Variants in NANOS1 observed in about 807,000 individuals in gnomAD.
The protein encoded by NANOS1 is nanos homolog 1.
Under a neutral mutation model 1.1 loss-of-function variants are expected in NANOS1, and 1 was observed. The observed-to-expected ratio is 0.88, with a 90% CI of 0.31 to 4.20. The LOEUF (loss-of-function observed/expected upper bound fraction) is 4.20. NANOS1 is among the 30% of genes most tolerant of loss of function. The pLI, the probability that NANOS1 is intolerant of heterozygous loss-of-function variation, is 0.17. For missense variants in NANOS1, 537 were observed against 457.9 expected (o/e 1.17, Z -1.58); for synonymous variants, 252 against 230.6 (o/e 1.09, Z -0.84).
chr10:119,029,862 G>T lies in NANOS1; in HGVS notation c.61G>T (p.Ala21Ser). Reference protein sequence around the residue: ...PRRGRAPPPMALVPSARYVSA... With the variant: ...PRRGRAPPPMSLVPSARYVSA... ...CCGCGGCCGCGCCCCCCCGCCCATG[G>T]CGCTCGTGCCCAGCGCCCGCTACGT... Residue 21 changes from alanine (A) to serine (S), a missense_variant, in exon 1 of 1, where the codon GCG becomes TCG. Ala to Ser is a moderately conservative substitution (Grantham distance 99, BLOSUM62 1). Coordinates refer to ENST00000425699, the MANE Select transcript of NANOS1 (RefSeq NM_199461.4). The T allele has an allele frequency of 8.0e-7, 1 of 1,248,506 alleles. No individual in the cohort carries two copies. 77.3% of individuals were successfully genotyped at this position (1,248,506 alleles called of 1,614,324 possible). A position where few individuals can be genotyped will look rare whatever the true frequency, so the allele number is the denominator to read the frequency against.
chr10:119,032,145 C>G lies in NANOS1; in HGVS notation c.*1465C>G. ...GAGTTTAGTCTACGTGTATAAGGCT[C>G]CCAGTAGGATTTAGCTAGGCTACTA... is the stretch of plus-strand genomic sequence containing the variant. On this transcript the variant is annotated 3_prime_UTR_variant, in exon 1 of 1. Coordinates refer to ENST00000425699, the MANE Select transcript of NANOS1 (RefSeq NM_199461.4). 1 of 167,214 alleles carries G rather than the reference C, an allele frequency of 6.0e-6. No homozygotes were observed. 10.4% of individuals were successfully genotyped at this position (167,214 alleles called of 1,614,324 possible).
In NANOS1 at chr10:119,030,153, T is replaced by C; in HGVS notation, c.352T>C (p.Ser118Pro). 2 of 1,356,744 alleles carry C rather than the reference T, an allele frequency of 1.5e-6. No homozygotes were observed. The highest frequency in any genetic ancestry group is 1.8e-5 in the South Asian group (1 of 55,408). The allele number at this position is 1,356,744 out of a possible 1,614,324, so 84.0% of individuals were successfully genotyped here. A position where few individuals can be genotyped will look rare whatever the true frequency, so the allele number is the denominator to read the frequency against. ...CGACGACGACAGCGACGAGCCGGGG[T>C]CCCGGGGCCGCTACCTGGGGAGCGC... ...DDDDDSDEPGSRGRYLGSALE... is the reference protein window; with the variant it reads ...DDDDDSDEPGPRGRYLGSALE... The change falls in exon 1 of 1, where the codon TCC becomes CCC. Residue 118 changes from serine to proline, a missense_variant. Transcript: ENST00000425699. This position sits in a 1 kb window ranked among gnomAD's most constrained non-coding sequence, Gnocchi z 5.3.
In NANOS1 at chr10:119,029,997, G is replaced by A. The variant is rs1848016602; in HGVS notation, c.196G>A (p.Ala66Thr). ...GGACGGCGAGCCGCGCTTCGGCTGC[G>A]CCCGCGGTGGGAACGGCGGCGGCGG... is the stretch of plus-strand genomic sequence containing the variant. The part of the protein sequence containing the change: ...AVDGEPRFGC[A>T]RGGNGGGGSP... The change falls in exon 1 of 1, where the codon GCC becomes ACC. Residue 66 changes from alanine (A) to threonine (T), a missense_variant. Physicochemically the swap from Ala to Thr is moderately conservative, Grantham distance 58 (BLOSUM62 0). Transcript: ENST00000425699. 1 of 1,413,984 alleles carries A rather than the reference G, an allele frequency of 7.1e-7. No individual in the cohort carries two copies. The allele number at this position is 1,413,984 out of a possible 1,614,324, so 87.6% of individuals were successfully genotyped here. A position where few individuals can be genotyped will look rare whatever the true frequency, so the allele number is the denominator to read the frequency against.
In NANOS1 at chr10:119,030,704, G is replaced by C; in HGVS notation, c.*24G>C. 7.8e-7 allele frequency: 1 copy of C among 1,277,410 alleles called. No individual in the cohort carries two copies. The highest frequency in any genetic ancestry group is 9.9e-7 in the Non-Finnish European group (1 of 1,012,860). The allele number at this position is 1,277,410 out of a possible 1,614,324, so 79.1% of individuals were successfully genotyped here. The stretch of plus-strand genomic sequence containing the variant: ...GAAGGCCCGGGCTCCCGGCCGCCCA[G>C]GGTCGCCGCCGCCCCTCGCACCGCT... On this transcript the variant is annotated 3_prime_UTR_variant, in exon 1 of 1. Transcript: ENST00000425699. This position sits in a 1 kb window ranked among gnomAD's most constrained non-coding sequence, Gnocchi z 5.3.
rs1848070540 is a variant in NANOS1, at chr10:119,032,796, A to T, written c.*2116A>T. The T allele has an allele frequency of 6.0e-6, 1 of 167,108 alleles. No individual in the cohort carries two copies. Among genetic ancestry groups the T allele is most frequent in the African/African-American group, 2.4e-5 (1 of 41,452 alleles). 10.4% of individuals were successfully genotyped at this position (167,108 alleles called of 1,614,324 possible). ...GATATTCTGACATTGCTATTTTACC[A>T]GAACTAAGAACATATTGAGCTGGAG... is the stretch of plus-strand genomic sequence containing the variant. On this transcript the variant is annotated 3_prime_UTR_variant, in exon 1 of 1. Coordinates refer to ENST00000425699, the MANE Select transcript of NANOS1 (RefSeq NM_199461.4).
chr10:119,031,134 C>T lies in NANOS1; in HGVS notation c.*454C>T, dbSNP rs896545058. 1 of 171,566 alleles carries T rather than the reference C, an allele frequency of 5.8e-6. No homozygotes were observed. Among genetic ancestry groups the T allele is most frequent in the East Asian group, 1.9e-4 (1 of 5,390 alleles). 10.6% of individuals were successfully genotyped at this position (171,566 alleles called of 1,614,324 possible). A position where few individuals can be genotyped will look rare whatever the true frequency, so the allele number is the denominator to read the frequency against. On this transcript the variant is annotated 3_prime_UTR_variant, in exon 1 of 1. Coordinates refer to ENST00000425699, the MANE Select transcript of NANOS1 (RefSeq NM_199461.4). ...AACTGGCGATTTTATGAAATGTCGGCAAAATGACTATTTTATTGTTTGAAG... is the reference window on the plus strand; with the variant it reads ...AACTGGCGATTTTATGAAATGTCGGTAAAATGACTATTTTATTGTTTGAAG...
Position 119,029,904 on chromosome 10 carries a change from G to C in NANOS1, c.103G>C (p.Ala35Pro). The C allele has an allele frequency of 7.2e-7, 1 of 1,390,514 alleles. No individual in the cohort carries two copies. Among genetic ancestry groups the C allele is most frequent in the African/African-American group, 1.5e-5 (1 of 67,116 alleles). 86.1% of individuals were successfully genotyped at this position (1,390,514 alleles called of 1,614,324 possible). The stretch of plus-strand genomic sequence containing the variant: ...CCGCTACGTGAGCGCCCCGGGCCCG[G>C]CGCACCCGCAGCCCTTCAGCTCCTG... The part of the protein sequence containing the change: ...SARYVSAPGP[A>P]HPQPFSSWND... The change falls in exon 1 of 1, where the codon GCG (alanine) becomes CCG (proline). Residue 35 changes from alanine (A) to proline (P), a missense_variant. Physicochemically the swap from Ala to Pro is conservative, Grantham distance 27. Coordinates refer to ENST00000425699, the MANE Select transcript of NANOS1 (RefSeq NM_199461.4).
Position 119,030,298 on chromosome 10 carries a change from C to A in NANOS1, c.497C>A (p.Ala166Glu), listed in dbSNP as rs1489680733. Reference sequence around the variant, plus strand: ...GCCGCCGCCGTGCTGCTGGGCTGCGCGCCCGCCGCCGCCGCCGCCGCCACC... The same window carrying A: ...GCCGCCGCCGTGCTGCTGGGCTGCGAGCCCGCCGCCGCCGCCGCCGCCACC... ...GRAAAVLLGC[A>E]PAAAAAATTT... The change falls in exon 1 of 1, where the codon GCG becomes GAG. Residue 166 changes from alanine (A) to glutamate (E), a missense_variant. Ala to Glu is a moderately radical substitution (Grantham distance 107, BLOSUM62 -1). Transcript: ENST00000425699. This position sits in a 1 kb window ranked among gnomAD's most constrained non-coding sequence, Gnocchi z 5.3. The A allele has an allele frequency of 8.6e-7, 1 of 1,159,864 alleles. No homozygotes were observed. The highest frequency in any genetic ancestry group is 4.1e-5 in the East Asian group (1 of 24,644). The allele number at this position is 1,159,864 out of a possible 1,614,324, so 71.8% of individuals were successfully genotyped here.
Position 119,033,273 on chromosome 10 carries a change from A to AAACTCC in NANOS1, c.*2593_*2594insAACTCC, listed in dbSNP as rs1848079213. 6.0e-6 allele frequency: 1 copy of AAACTCC among 167,116 alleles called. No individual in the cohort carries two copies. The highest frequency in any genetic ancestry group is 2.4e-5 in the African/African-American group (1 of 41,462). 10.4% of individuals were successfully genotyped at this position (167,116 alleles called of 1,614,324 possible). A position where few individuals can be genotyped will look rare whatever the true frequency, so the allele number is the denominator to read the frequency against. The stretch of plus-strand genomic sequence containing the variant: ...TTTCCAGCTGACAATGAATACTGGG[A>AAACTCC]GTTAAAACGCAGAGTATTACTATAG... On this transcript the variant is annotated 3_prime_UTR_variant, in exon 1 of 1. Transcript: ENST00000425699.
rs867960651 is a variant in NANOS1, at chr10:119,030,863, C to G, written c.*183C>G. 2 of 834,744 alleles carry G rather than the reference C, an allele frequency of 2.4e-6. No homozygotes were observed. Among genetic ancestry groups the G allele is most frequent in the African/African-American group, 3.6e-5 (2 of 55,828 alleles). The allele number at this position is 834,744 out of a possible 1,614,324, so 51.7% of individuals were successfully genotyped here. A position where few individuals can be genotyped will look rare whatever the true frequency, so the allele number is the denominator to read the frequency against. Reference sequence around the variant, plus strand: ...GTACTTCCGTGCTGAACGATTGGGACTAGACGCTGAAATCCCCATTTGTCT... The same window carrying G: ...GTACTTCCGTGCTGAACGATTGGGAGTAGACGCTGAAATCCCCATTTGTCT... On this transcript the variant is annotated 3_prime_UTR_variant, in exon 1 of 1. Coordinates refer to ENST00000425699, the MANE Select transcript of NANOS1 (RefSeq NM_199461.4). The surrounding 1 kb of genome is among the most constrained non-coding windows in gnomAD (Gnocchi z 5.3).
chr10:119,032,235 C>G lies in NANOS1; in HGVS notation c.*1555C>G, dbSNP rs930680367. Reference sequence around the variant, plus strand: ...CACAGCAAATTGACTCAATCAGGAACCTTCATTTGAAGGTGTGTTAGAGGA... The same window carrying G: ...CACAGCAAATTGACTCAATCAGGAAGCTTCATTTGAAGGTGTGTTAGAGGA... On this transcript the variant is annotated 3_prime_UTR_variant, in exon 1 of 1. Coordinates refer to ENST00000425699, the MANE Select transcript of NANOS1 (RefSeq NM_199461.4). 1.2e-5 allele frequency: 2 copies of G among 166,634 alleles called. No individual in the cohort carries two copies. The highest frequency in any genetic ancestry group is 4.2e-4 in the South Asian group (2 of 4,780). The allele number at this position is 166,634 out of a possible 1,614,324, so 10.3% of individuals were successfully genotyped here.
chr10:119,030,866 G>C lies in NANOS1; in HGVS notation c.*186G>C. On this transcript the variant is annotated 3_prime_UTR_variant, in exon 1 of 1. Transcript: ENST00000425699. This position sits in a 1 kb window ranked among gnomAD's most constrained non-coding sequence, Gnocchi z 5.3. ...CTTCCGTGCTGAACGATTGGGACTAGACGCTGAAATCCCCATTTGTCTTCA... is the reference window on the plus strand; with the variant it reads ...CTTCCGTGCTGAACGATTGGGACTACACGCTGAAATCCCCATTTGTCTTCA... 1 of 813,670 alleles carries C rather than the reference G, an allele frequency of 1.2e-6. No homozygotes were observed. Among genetic ancestry groups the C allele is most frequent in the Admixed American group, 4.5e-5 (1 of 21,992 alleles). 50.4% of individuals were successfully genotyped at this position (813,670 alleles called of 1,614,324 possible).
rs1210947899 is a variant in NANOS1 at position 119,030,560 on chromosome 10, C to T, written c.759C>T (p.Gly253=). 8 of 1,529,808 alleles carry T rather than the reference C, an allele frequency of 5.2e-6. No individual in the cohort carries two copies. The highest frequency in any genetic ancestry group is 2.4e-5 in the South Asian group (2 of 83,064). 94.8% of individuals were successfully genotyped at this position (1,529,808 alleles called of 1,614,324 possible). A position where few individuals can be genotyped will look rare whatever the true frequency, so the allele number is the denominator to read the frequency against. ...GCCGCTACACGTGTCCCCTGTGCGGCGCCAGCGGCGACAACGCGCACACCA... is the reference window on the plus strand; with the variant it reads ...GCCGCTACACGTGTCCCCTGTGCGGTGCCAGCGGCGACAACGCGCACACCA... The part of the protein sequence containing the change: ...VLRRYTCPLC[G]ASGDNAHTIK... The change falls in exon 1 of 1, where the codon GGC becomes GGT. Residue 253 remains glycine (G), a synonymous_variant. Transcript: ENST00000425699. The surrounding 1 kb of genome is among the most constrained non-coding windows in gnomAD (Gnocchi z 5.3).
chr10:119,032,385 T>G lies in NANOS1; in HGVS notation c.*1705T>G, dbSNP rs1848064579. The G allele has an allele frequency of 6.0e-6, 1 of 166,944 alleles. No individual in the cohort carries two copies. The highest frequency in any genetic ancestry group is 1.5e-5 in the Non-Finnish European group (1 of 68,124). 10.3% of individuals were successfully genotyped at this position (166,944 alleles called of 1,614,324 possible). ...GACAAATAATCCAACGCTGCTAGTC[T>G]TAACCCCAGACCAGAGAGAACTGCA... On this transcript the variant is annotated 3_prime_UTR_variant, in exon 1 of 1. Transcript: ENST00000425699.
Position 119,032,777 on chromosome 10 carries a change from C to T in NANOS1, c.*2097C>T, listed in dbSNP as rs1848069970. 1.8e-5 allele frequency: 1 copy of T among 56,784 alleles called. No homozygotes were observed. The highest frequency in any genetic ancestry group is 4.4e-4 in the Admixed American group (1 of 2,274). 3.5% of individuals were successfully genotyped at this position (56,784 alleles called of 1,614,324 possible). On this transcript the variant is annotated 3_prime_UTR_variant, in exon 1 of 1. Coordinates refer to ENST00000425699, the MANE Select transcript of NANOS1 (RefSeq NM_199461.4). ...ATGTGCCTAATGTTAATTTGATATT[C>T]TGACATTGCTATTTTACCAGAACTA...
At position 119,030,379 on chromosome 10, in the gene NANOS1, C is replaced by G; in HGVS notation, c.578C>G (p.Pro193Arg). Residue 193 changes from proline to arginine, a missense_variant, in exon 1 of 1, where the codon CCC (proline) becomes CGC (arginine). Pro to Arg is a moderately radical substitution (Grantham distance 103). Coordinates refer to ENST00000425699, the MANE Select transcript of NANOS1 (RefSeq NM_199461.4). This position sits in a 1 kb window ranked among gnomAD's most constrained non-coding sequence, Gnocchi z 5.3. ...CGGGCCCCGGCGTGGGCGGCCGAGCCCCGGCTGCACGCGGCCTCCGGGGCG... is the reference window on the plus strand; with the variant it reads ...CGGGCCCCGGCGTGGGCGGCCGAGCGCCGGCTGCACGCGGCCTCCGGGGCG... ...EERAPAWAAE[P>R]RLHAASGAAA... 3.3e-6 allele frequency: 4 copies of G among 1,222,908 alleles called. No individual in the cohort carries two copies. Among genetic ancestry groups the G allele is most frequent in the Non-Finnish European group, 4.1e-6 (4 of 979,476 alleles). The allele number at this position is 1,222,908 out of a possible 1,614,324, so 75.8% of individuals were successfully genotyped here.
In NANOS1 at chr10:119,030,914, A is replaced by G. The variant is rs567976966; in HGVS notation, c.*234A>G. On this transcript the variant is annotated 3_prime_UTR_variant, in exon 1 of 1. Transcript: ENST00000425699. This position sits in a 1 kb window ranked among gnomAD's most constrained non-coding sequence, Gnocchi z 5.3. ...TCAGTTTCTAGTTTGCACATCCAGAACGGCGAAGGCTGGGTGTGTATTCCA... is the reference window on the plus strand; with the variant it reads ...TCAGTTTCTAGTTTGCACATCCAGAGCGGCGAAGGCTGGGTGTGTATTCCA... 5.8e-6 allele frequency: 3 copies of G among 517,418 alleles called. No homozygotes were observed. The highest frequency in any genetic ancestry group is 2.0e-4 in the South Asian group (2 of 9,948). The allele number at this position is 517,418 out of a possible 1,614,324, so 32.1% of individuals were successfully genotyped here.
rs1192708954 is a variant in NANOS1 at position 119,029,748 on chromosome 10, T to G, written c.-54T>G. 4.2e-6 allele frequency: 4 copies of G among 947,560 alleles called. No homozygotes were observed. The highest frequency in any genetic ancestry group is 5.0e-6 in the Non-Finnish European group (4 of 798,734). 58.7% of individuals were successfully genotyped at this position (947,560 alleles called of 1,614,324 possible). On this transcript the variant is annotated 5_prime_UTR_variant, in exon 1 of 1. Transcript: ENST00000425699. The stretch of plus-strand genomic sequence containing the variant: ...CGGCGGGCAGGCTCGGCGTGTCCCT[T>G]CCGTCCGGCCCGCGCCGGCGGCGGG...
Position 119,032,356 on chromosome 10 carries a change from G to A in NANOS1, c.*1676G>A, listed in dbSNP as rs188381719. 1.5e-3 allele frequency: 256 copies of A among 167,004 alleles called. 1 individual carries two copies. Among genetic ancestry groups the A allele is most frequent in the South Asian group, 1.2e-3 (6 of 4,826 alleles). 10.3% of individuals were successfully genotyped at this position (167,004 alleles called of 1,614,324 possible). ...GGAAAGCACAATGTTTCTTAGCCAG[G>A]AAAGACAAATAATCCAACGCTGCTA... On this transcript the variant is annotated 3_prime_UTR_variant, in exon 1 of 1. Coordinates refer to ENST00000425699, the MANE Select transcript of NANOS1 (RefSeq NM_199461.4).
Sources: gnomAD v4.1 joint callset for allele counts on GRCh38, gnomAD v4.1.1 for gene constraint, Gnocchi (gnomAD v3.1) non-coding constraint, MANE v1.5 for transcripts, NCBI Gene and HGNC (gene_info 2026-07-23, HGNC 2026-07-21) for gene names.